Variants in TRPC3 observed in about 807,000 individuals in gnomAD.
The protein encoded by TRPC3 is short transient receptor potential channel 3.
A neutral mutation model predicts 90.9 loss-of-function variants in TRPC3; 54 were observed. The ratio of observed to expected loss-of-function variants is 0.59; its 90% CI spans 0.48 to 0.75. The LOEUF is 0.75. TRPC3 is among the 30% of genes least tolerant of loss of function. The pLI, the probability that TRPC3 is intolerant of heterozygous loss-of-function variation, is 0.00. For synonymous variants in TRPC3, 424 were observed against 450.9 expected (o/e 0.94, Z 0.75); for missense variants, 918 against 1,194.5 (o/e 0.77, Z 3.41).
chr4:121,900,088 A>G (rs1248154610), intron 9 of TRPC3, among the ~76,000 whole-genome samples: 4 of 152,208 alleles, frequency 2.6e-5, no homozygotes, highest in Non-Finnish European at 5.9e-5. Flanking sequence ...ATTTGAATAG[A>G]AACATATTGC....
intron 10 of TRPC3, among the ~76,000 whole-genome samples, chr4:121,887,201 G>T (rs1434563333): frequency 6.6e-6 from 1 of 152,050 alleles, no homozygotes; most frequent in Non-Finnish European, 1.5e-5. Context: ...AGCTATTTTT[G>T]TTTTCTCTAT....
At chr4:121,903,969 C>A (rs1377411300) in intron 8 of TRPC3, among the ~76,000 whole-genome samples, 1 of 152,114 alleles carries the variant, frequency 6.6e-6, no homozygotes, top group Non-Finnish European at 1.5e-5. Context: ...TTAGTGTTTG[C>A]CAAACATCTG....
intron 3 of TRPC3, among the ~76,000 whole-genome samples, chr4:121,916,800 A>G (rs1578631698): frequency 6.6e-6 from 1 of 150,798 alleles, no homozygotes. Flanking sequence ...CACAACCTCC[A>G]CCTCCCGGGT....
chr4:121,889,167 G>A (rs140621477), intron 10 of TRPC3, among the ~76,000 whole-genome samples: 279 of 152,260 alleles, frequency 1.8e-3, no homozygotes, highest in Non-Finnish European at 2.1e-3. Context: ...AGTCTCAGGT[G>A]TAAGACTCAA....
chr4:121,946,570 T>A (rs985367472), intron 1 of TRPC3, among the ~76,000 whole-genome samples: 2 of 152,224 alleles, frequency 1.3e-5, no homozygotes, highest in Non-Finnish European at 2.9e-5. Context: ...TGATAAACCA[T>A]CTTGTGGAAG....
intron 1 of TRPC3, among the ~76,000 whole-genome samples, chr4:121,947,508 G>C (rs1239681565): frequency 6.6e-6 from 1 of 152,178 alleles, no homozygotes; most frequent in Non-Finnish European, 1.5e-5. Context: ...GGTAATCTGA[G>C]TTACAAGGCA....
chr4:121,879,909 A>T (rs1727884555), intron 11 of TRPC3, 31 bp from the exon 12 acceptor site: 1 of 1,510,806 alleles, frequency 6.6e-7, no homozygotes, highest in Non-Finnish European at 8.8e-7. Flanking sequence ...AATTATTGGT[A>T]AGTTGCTCTT....
chr4:121,945,988 AAT>A (rs1282697636), intron 1 of TRPC3, among the ~76,000 whole-genome samples: 2 of 152,236 alleles, frequency 1.3e-5, no homozygotes, highest in Non-Finnish European at 2.9e-5. Context: ...AATGGAAATA[AAT>A]TCAGTGAAAG....
chr4:121,882,516 A>G, intron 10 of TRPC3, 87 bp from the exon 11 acceptor site: 1 of 1,280,780 alleles, frequency 7.8e-7, no homozygotes, highest in Non-Finnish European at 1.1e-6. Flanking sequence ...CATACCTGTA[A>G]AGCAAACAAC....
intron 9 of TRPC3, among the ~76,000 whole-genome samples, chr4:121,899,927 T>C (rs1053705107): frequency 6.6e-6 from 1 of 152,146 alleles, no homozygotes; most frequent in Non-Finnish European, 1.5e-5. Flanking sequence ...AATAGAACTA[T>C]TTAATGGAAA....
chr4:121,907,831 C>T (rs1728941730), intron 6 of TRPC3, among the ~76,000 whole-genome samples: 1 of 152,030 alleles, frequency 6.6e-6, no homozygotes, highest in South Asian at 2.1e-4. Context: ...AAATACAAAA[C>T]ATGGAGAGGT....
At chr4:121,944,902 G>A (rs1244194681) in intron 1 of TRPC3, among the ~76,000 whole-genome samples, 1 of 152,208 alleles carries the variant, frequency 6.6e-6, no homozygotes, top group Admixed American at 6.5e-5. Context: ...GGAGGCCACA[G>A]TGCGAACAGC....
At chr4:121,922,852 G>A (rs1006276609) in intron 3 of TRPC3, among the ~76,000 whole-genome samples, 2 of 152,198 alleles carry the variant, frequency 1.3e-5, no homozygotes, top group Admixed American at 6.5e-5. Context: ...AATGCTCTGA[G>A]AGGGCAATCT....
At chr4:121,898,222 G>C (rs1238664432) in intron 10 of TRPC3, among the ~76,000 whole-genome samples, 2 of 152,076 alleles carry the variant, frequency 1.3e-5, no homozygotes, top group Admixed American at 1.3e-4. Flanking sequence ...CCGCTAGATA[G>C]GAGGAATAAC....
chr4:121,942,962 G>C (rs147892314), intron 1 of TRPC3, among the ~76,000 whole-genome samples: 4 of 152,282 alleles, frequency 2.6e-5, no homozygotes, highest in African/African-American at 9.6e-5. Context: ...ACTGTGTTCT[G>C]TGTATAACTC....
rs543837341 is a variant in TRPC3 at position 121,902,706 on chromosome 4, T to C, written c.2463+146A>G. ...CTTGAAACATCATGAAAATATTTAG[T>C]ATTAGTCTGTGAAAGACTGTGGACT... On this transcript the variant is annotated intron_variant, in intron 9 of 11. Coordinates refer to ENST00000379645, the MANE Select transcript of TRPC3 (RefSeq NM_001130698.2). The C allele has an allele frequency of 2.8e-4, 163 of 578,466 alleles. 3 individuals are homozygous for C. In the South Asian group the frequency reaches 3.7e-3, roughly 13 times the overall value. 35.8% of individuals were successfully genotyped at this position (578,466 alleles called of 1,614,324 possible).
chr4:121,908,227 ATG>A (rs1421875541), intron 6 of TRPC3, among the ~76,000 whole-genome samples: 1 of 152,164 alleles, frequency 6.6e-6, no homozygotes, highest in African/African-American at 2.4e-5. Flanking sequence ...ATGAAATATT[ATG>A]TGGTTAATTG....
At chr4:121,923,096 GACAC>G (rs1729583366) in intron 3 of TRPC3, among the ~76,000 whole-genome samples, 1 of 137,234 alleles carries the variant, frequency 7.3e-6, no homozygotes, top group Non-Finnish European at 1.6e-5. Context: ...AGGAGAAAGA[GACAC>G]AGAGAGAGAG....
At chr4:121,902,045 GA>G (rs1284213587) in intron 9 of TRPC3, among the ~76,000 whole-genome samples, 1 of 152,044 alleles carries the variant, frequency 6.6e-6, no homozygotes, top group Admixed American at 6.6e-5. Flanking sequence ...GTTTCAACGA[GA>G]AAAAATATCT....
Sources: gnomAD v4.1 joint callset for allele counts (sites outside exome capture counted in the v4.1 genomes callset) on GRCh38, gnomAD v4.1.1 for gene constraint, MANE v1.5 for transcripts, NCBI Gene and HGNC (gene_info 2026-07-23, HGNC 2026-07-21) for gene names.